Variants in MSH3 observed in about 807,000 individuals in gnomAD.
The protein encoded by MSH3 is mutS homolog 3, also known as DNA mismatch repair protein Msh3.
A neutral mutation model predicts 123.3 loss-of-function variants in MSH3; 106 were observed. The ratio of observed to expected loss-of-function variants is 0.86; its 90% CI spans 0.73 to 1.01. The LOEUF is 1.01. Among genes scored for constraint, MSH3 ranks in the 50% least tolerant of loss-of-function variants. The pLI is 0.00. For synonymous variants in MSH3, 515 were observed against 481.4 expected (o/e 1.07, Z -0.91); for missense variants, 1,459 against 1,347.6 (o/e 1.08, Z -1.29).
In MSH3 at chr5:80,776,957, A is replaced by G. The variant is rs150830093; in HGVS notation, c.2318+1199A>G. ...TTTTTTTTTCTTTTTTTTAAGACAG[A>G]GTCTCTTTTCGTCAGCCAGGCTGGA... On this transcript the variant is annotated intron_variant, in intron 16 of 23. Coordinates refer to ENST00000265081, the MANE Select transcript of MSH3 (RefSeq NM_002439.5). Among the ~76,000 whole-genome samples, 923 of 146,832 alleles carry G rather than the reference A, an allele frequency of 6.3e-3. 8 individuals are homozygous for G. The highest frequency in any genetic ancestry group is 0.022 in the African/African-American group (890 of 39,982).
chr5:80,799,454 C>A (rs1281265887), intron 19 of MSH3, among the ~76,000 whole-genome samples: 1 of 119,190 alleles, frequency 8.4e-6, no homozygotes, highest in African/African-American at 3.3e-5. Flanking sequence ...CATAATTCTT[C>A]TTTAAAGACA....
chr5:80,707,357 A>G (rs967912203), intron 8 of MSH3, among the ~76,000 whole-genome samples: 13 of 152,208 alleles, frequency 8.5e-5, no homozygotes, highest in African/African-American at 1.4e-4. Flanking sequence ...TCACAGATCT[A>G]TATTTTCATT....
At chr5:80,782,387 G>T (rs538251924) in intron 17 of MSH3, among the ~76,000 whole-genome samples, 1 of 152,076 alleles carries the variant, frequency 6.6e-6, no homozygotes, top group Non-Finnish European at 1.5e-5. Context: ...TTCTGAAACA[G>T]TACAGTATAA....
At chr5:80,701,423 T>C (rs1394535508) in intron 8 of MSH3, among the ~76,000 whole-genome samples, 1 of 152,224 alleles carries the variant, frequency 6.6e-6, no homozygotes, top group Non-Finnish European at 1.5e-5. Context: ...CAAAGCCCAC[T>C]AGAGCCCTAA....
At chr5:80,698,222 A>G (rs964364282) in intron 8 of MSH3, among the ~76,000 whole-genome samples, 3 of 152,160 alleles carry the variant, frequency 2.0e-5, no homozygotes, top group African/African-American at 7.2e-5. Context: ...ATTTTGATGG[A>G]TGTTTCCAGT....
chr5:80,696,148 T>C (rs1750474031), intron 8 of MSH3, among the ~76,000 whole-genome samples: 1 of 151,994 alleles, frequency 6.6e-6, no homozygotes, highest in Non-Finnish European at 1.5e-5. Context: ...CCGTAAGGAG[T>C]GAGAAGGGAG....
intron 17 of MSH3, among the ~76,000 whole-genome samples, chr5:80,785,832 T>C (rs1298402047): frequency 1.3e-5 from 2 of 152,136 alleles, no homozygotes; most frequent in African/African-American, 4.8e-5. Flanking sequence ...TGAGTTCATG[T>C]CCTTTGTAGG....
chr5:80,814,157 G>GA (rs1172137771), intron 20 of MSH3, among the ~76,000 whole-genome samples: 7 of 150,090 alleles, frequency 4.7e-5, no homozygotes, highest in East Asian at 3.9e-4. Context: ...AACAAAAACA[G>GA]AAAAAAAACC....
chr5:80,853,131 C>T (rs962484050), intron 20 of MSH3, among the ~76,000 whole-genome samples: 1 of 151,980 alleles, frequency 6.6e-6, no homozygotes, highest in Non-Finnish European at 1.5e-5. Flanking sequence ...ATTTCAGGGA[C>T]CATGGTTAAA....
intron 10 of MSH3, among the ~76,000 whole-genome samples, chr5:80,735,404 A>T (rs904579815): frequency 3.2e-5 from 4 of 125,208 alleles, no homozygotes; most frequent in South Asian, 2.5e-4. Flanking sequence ...AAAAAAAAAA[A>T]GTTGAGCACA....
chr5:80,774,027 C>T (rs1744257537), intron 15 of MSH3, among the ~76,000 whole-genome samples: 1 of 152,154 alleles, frequency 6.6e-6, no homozygotes, highest in Admixed American at 6.5e-5. Flanking sequence ...CTCAGCCTCC[C>T]AAAGTGCTGG....
intron 8 of MSH3, among the ~76,000 whole-genome samples, chr5:80,694,666 CAG>C (rs1451312488): frequency 1.3e-5 from 2 of 151,856 alleles, no homozygotes; most frequent in Non-Finnish European, 2.9e-5. Flanking sequence ...CTGCTTGTGT[CAG>C]AGTCTGTTAG....
In MSH3 at chr5:80,664,486, C is replaced by T. The variant is rs534243639; in HGVS notation, c.359-657C>T. 7.7e-4 allele frequency among the ~76,000 whole-genome samples: 117 copies of T among 152,152 alleles called. 1 individual carries two copies. Among genetic ancestry groups the T allele is most frequent in the African/African-American group, 2.7e-3 (111 of 41,478 alleles). On this transcript the variant is annotated intron_variant, in intron 2 of 23. Transcript: ENST00000265081. ...CATACATTGTGTCTGTGTTCCTAATCGTCCTTCTGGGTTAGGTACAGTACT... is the reference window on the plus strand; with the variant it reads ...CATACATTGTGTCTGTGTTCCTAATTGTCCTTCTGGGTTAGGTACAGTACT...
chr5:80,743,914 G>T (rs1191969929), intron 11 of MSH3, among the ~76,000 whole-genome samples: 1 of 151,418 alleles, frequency 6.6e-6, no homozygotes, highest in Admixed American at 6.6e-5. Context: ...AGATTTAAAT[G>T]TCTCAGTGGG....
rs1042676653 is a variant in MSH3, at chr5:80,684,925, GT to G, written c.1340+5841del. On this transcript the variant is annotated intron_variant, in intron 8 of 23. Coordinates refer to ENST00000265081, the MANE Select transcript of MSH3 (RefSeq NM_002439.5). The stretch of plus-strand genomic sequence containing the variant: ...TCAGCATCAAATGAAATGATTATGT[GT>G]TTTTTTTTCTTCATTCTGTTAATAT... Among the ~76,000 whole-genome samples the G allele has an allele frequency of 3.7e-4, 55 of 150,402 alleles. 1 individual carries two copies. The highest frequency in any genetic ancestry group is 1.8e-3 in the East Asian group (9 of 5,134).
chr5:80,859,471 G>A (rs968227281), intron 21 of MSH3, among the ~76,000 whole-genome samples: 3 of 152,066 alleles, frequency 2.0e-5, no homozygotes, highest in African/African-American at 7.2e-5. Flanking sequence ...TTTAAGGTGA[G>A]TTTCTTGTAG....
intron 8 of MSH3, among the ~76,000 whole-genome samples, chr5:80,691,749 GTA>G (rs1161613590): frequency 6.9e-6 from 1 of 144,400 alleles, no homozygotes; most frequent in Non-Finnish European, 1.5e-5. Flanking sequence ...ATATGTGTGT[GTA>G]TATATATATT....
intron 15 of MSH3, among the ~76,000 whole-genome samples, chr5:80,769,252 T>A (rs1744176111): frequency 6.6e-6 from 1 of 152,070 alleles, no homozygotes. Flanking sequence ...GAAATTATAT[T>A]ATAGAAAATC....
intron 17 of MSH3, among the ~76,000 whole-genome samples, chr5:80,785,531 T>C (rs1454336313): frequency 6.6e-6 from 1 of 152,166 alleles, no homozygotes; most frequent in South Asian, 2.1e-4. Context: ...AGTTCAACCA[T>C]TGTGGAAGTC....
Sources: gnomAD v4.1 joint callset for allele counts (sites outside exome capture counted in the v4.1 genomes callset) on GRCh38, gnomAD v4.1.1 for gene constraint, MANE v1.5 for transcripts, NCBI Gene and HGNC (gene_info 2026-07-23, HGNC 2026-07-21) for gene names.